PCK2: variants seen among roughly 807,000 people sequenced by gnomAD.
PCK2 encodes phosphoenolpyruvate carboxykinase [GTP], mitochondrial.
A neutral mutation model predicts 65.9 loss-of-function variants in PCK2; 56 were observed. The observed-to-expected ratio is 0.85, with a 90% CI of 0.69 to 1.06. The LOEUF (loss-of-function observed/expected upper bound fraction) is 1.06. PCK2 is among the 50% of genes least tolerant of loss of function. The probability of loss-of-function intolerance (pLI) is 0.00; values close to 1 mark genes in which losing one functional copy is unlikely to be tolerated. For missense variants in PCK2, 843 were observed against 863.1 expected (o/e 0.98, Z 0.29); for synonymous variants, 305 against 319.6 (o/e 0.95, Z 0.49).
At chr14:24,095,701 A>C (rs1001795642) in intron 1 of PCK2, among the ~76,000 whole-genome samples, 1 of 152,112 alleles carries the variant, frequency 6.6e-6, no homozygotes, top group Non-Finnish European at 1.5e-5. Context: ...CATCCCCTTC[A>C]TGGTCTTTGC....
intron 1 of PCK2, chr14:24,095,199 G>A (rs1226066341): frequency 5.3e-5 from 24 of 455,954 alleles, no homozygotes; most frequent in Admixed American, 1.4e-4. Context: ...TTCCACTTGG[G>A]CAGCCCTTGT....
intron 7 of PCK2, among the ~76,000 whole-genome samples, chr14:24,102,190 T>C (rs1293397152): frequency 6.6e-6 from 1 of 152,214 alleles, no homozygotes; most frequent in Admixed American, 6.5e-5. Flanking sequence ...ATTGCACCAC[T>C]GCACTACAGC....
Position 24,102,071 on chromosome 14 carries a change from C to CA in PCK2, c.1235-675dup, listed in dbSNP as rs558567022. 3.8e-3 allele frequency among the ~76,000 whole-genome samples: 569 copies of CA among 149,358 alleles called. 3 individuals carry two copies. The highest frequency in any genetic ancestry group is 0.014 in the African/African-American group (549 of 40,452). On this transcript the variant is annotated intron_variant, in intron 7 of 9. Coordinates refer to ENST00000216780, the MANE Select transcript of PCK2 (RefSeq NM_004563.4). ...TGAAACCCCATCTCTATTAAAAATA[C>CA]AAAAAAATCAGCCAGGCATGGTGGT...
At position 24,094,503 on chromosome 14, in the gene PCK2, G is replaced by T; in HGVS notation, c.29+69G>T. ...GCTCGCCCCCTCGGGGCTGCCAGTG[G>T]CGCTCTCCTGCTCTCAGCCTCCGCC... On this transcript the variant is annotated intron_variant, in intron 1 of 9. Coordinates refer to ENST00000216780, the MANE Select transcript of PCK2 (RefSeq NM_004563.4). The surrounding 1 kb of genome is among the most constrained non-coding windows in gnomAD (Gnocchi z 4.1). 6.8e-7 allele frequency: 1 copy of T among 1,469,176 alleles called. No homozygotes were observed. The highest frequency in any genetic ancestry group is 1.4e-5 in the African/African-American group (1 of 69,584). The allele number at this position is 1,469,176 out of a possible 1,614,324, so 91.0% of individuals were successfully genotyped here.
intron 5 of PCK2, 110 bp from the exon 6 acceptor site, chr14:24,099,448 A>T: frequency 8.9e-7 from 1 of 1,117,704 alleles, no homozygotes; most frequent in Non-Finnish European, 1.3e-6. Context: ...TCACTTATAT[A>T]GTTAATAAAC....
At position 24,103,147 on chromosome 14, in the gene PCK2, AT is replaced by A; in HGVS notation, c.1373-11del. ...AAAAGGGCTGCCTGTGACTCTGTTC[AT>A]TGGTGATCTAGGGGTACCCCTGGTA... On this transcript the variant is annotated splice_polypyrimidine_tract_variant and intron_variant, in intron 8 of 9. Transcript: ENST00000216780. The A allele has an allele frequency of 6.2e-7, 1 of 1,602,910 alleles. No individual in the cohort carries two copies. The highest frequency in any genetic ancestry group is 2.2e-5 in the East Asian group (1 of 44,808).
chr14:24,097,268 C>A, intron 2 of PCK2, 131 bp downstream of exon 2: 1 of 842,752 alleles, frequency 1.2e-6, no homozygotes, highest in Non-Finnish European at 1.8e-6. Context: ...TAAACAGACC[C>A]AGAAACTGGG....
At position 24,094,432 on chromosome 14, in the gene PCK2, G is replaced by T; in HGVS notation, c.27G>T (p.Leu9=). 1 of 1,549,894 alleles carries T rather than the reference G, an allele frequency of 6.5e-7. No individual in the cohort carries two copies. ...TGGCCGCATTGTACCGCCCTGGCCT[G>T]CGGTGAGTGACCCCCGGCCCGGGGC... The part of the protein sequence containing the change: MAALYRPG[L]RLNWHGLSPL... Residue 9 remains leucine, a splice_region_variant and synonymous_variant, in exon 1 of 10, where the codon CTG becomes CTT. Coordinates refer to ENST00000216780, the MANE Select transcript of PCK2 (RefSeq NM_004563.4). The surrounding 1 kb of genome is among the most constrained non-coding windows in gnomAD (Gnocchi z 4.1).
chr14:24,099,371 C>A, intron 5 of PCK2, 135 bp downstream of exon 5: 1 of 1,045,200 alleles, frequency 9.6e-7, no homozygotes, highest in Non-Finnish European at 1.4e-6. Context: ...AGGCCCAAAG[C>A]TTTGGCCTCA....
At chr14:24,095,687 G>C (rs558646568) in intron 1 of PCK2, among the ~76,000 whole-genome samples, 1 of 152,322 alleles carries the variant, frequency 6.6e-6, no homozygotes, top group Admixed American at 6.5e-5. Flanking sequence ...GAGGAGGAGA[G>C]TAACATCCCC....
chr14:24,100,082 C>T lies in PCK2; in HGVS notation c.1103C>T (p.Thr368Ile), dbSNP rs1158893228. The change falls in exon 7 of 10, where the codon ACA becomes ATA. Residue 368 changes from threonine to isoleucine, a missense_variant. Thr to Ile is a moderately conservative substitution (Grantham distance 89). Transcript: ENST00000216780. ...SATTNPNAMATIQSNTIFTNV... is the reference protein window; with the variant it reads ...SATTNPNAMAIIQSNTIFTNV... ...ACCACCAATCCCAACGCCATGGCTA[C>T]AATCCAGAGTAACACTATTTTTACC... is the stretch of plus-strand genomic sequence containing the variant. 6.2e-7 allele frequency: 1 copy of T among 1,612,448 alleles called. No individual in the cohort carries two copies. Among genetic ancestry groups the T allele is most frequent in the East Asian group, 2.2e-5 (1 of 44,902 alleles).
rs2138919138 is a variant in PCK2, at chr14:24,094,398, C to T, written c.-8C>T. 1.3e-6 allele frequency: 2 copies of T among 1,556,238 alleles called. No homozygotes were observed. Among genetic ancestry groups the T allele is most frequent in the Non-Finnish European group, 1.7e-6 (2 of 1,155,276 alleles). Reference sequence around the variant, plus strand: ...TCCTGGCCACCCCGCAGCCCCTGCCCAGGTGCCATGGCCGCATTGTACCGC... The same window carrying T: ...TCCTGGCCACCCCGCAGCCCCTGCCTAGGTGCCATGGCCGCATTGTACCGC... On this transcript the variant is annotated 5_prime_UTR_variant, in exon 1 of 10. Transcript: ENST00000216780. The surrounding 1 kb of genome is among the most constrained non-coding windows in gnomAD (Gnocchi z 4.1).
Position 24,094,341 on chromosome 14 carries a change from C to T in PCK2, c.-65C>T, listed in dbSNP as rs545115566. On this transcript the variant is annotated 5_prime_UTR_variant, in exon 1 of 10. Coordinates refer to ENST00000216780, the MANE Select transcript of PCK2 (RefSeq NM_004563.4). This position sits in a 1 kb window ranked among gnomAD's most constrained non-coding sequence, Gnocchi z 4.1. ...TCGCTTCGCCGCGCTCCCTCCTTCC[C>T]CGCCTTCCATACCTCCCCGGCTCCG... is the stretch of plus-strand genomic sequence containing the variant. 19 of 1,471,608 alleles carry T rather than the reference C, an allele frequency of 1.3e-5. No homozygotes were observed. The highest frequency in any genetic ancestry group is 1.7e-5 in the Non-Finnish European group (19 of 1,089,564). 91.2% of individuals were successfully genotyped at this position (1,471,608 alleles called of 1,614,324 possible). A position where few individuals can be genotyped will look rare whatever the true frequency, so the allele number is the denominator to read the frequency against.
chr14:24,099,909 AG>A, intron 6 of PCK2, 85 bp from the exon 7 acceptor site: 1 of 1,612,268 alleles, frequency 6.2e-7, no homozygotes, highest in Non-Finnish European at 8.5e-7. Context: ...ATCTCAGGAC[AG>A]GGGTGGGTGG....
chr14:24,097,870 A>G (rs2036963047), intron 2 of PCK2, among the ~76,000 whole-genome samples: 1 of 152,182 alleles, frequency 6.6e-6, no homozygotes, highest in Non-Finnish European at 1.5e-5. Context: ...CTGGGATTAC[A>G]GGCATGAGCC....
intron 1 of PCK2, chr14:24,095,115 A>G (rs1056780104): frequency 2.4e-5 from 11 of 455,836 alleles, no homozygotes; most frequent in East Asian, 7.0e-5. Context: ...TTAGTCTCCT[A>G]TTTATTCTCT....
rs1409296715 is a variant in PCK2, at chr14:24,094,590, C to T, written c.29+156C>T. 3 of 1,451,644 alleles carry T rather than the reference C, an allele frequency of 2.1e-6. No individual in the cohort carries two copies. The highest frequency in any genetic ancestry group is 2.9e-5 in the African/African-American group (2 of 70,170). 89.9% of individuals were successfully genotyped at this position (1,451,644 alleles called of 1,614,324 possible). A position where few individuals can be genotyped will look rare whatever the true frequency, so the allele number is the denominator to read the frequency against. ...CTGCTGTGGGTCCAGCCTCCCGCGC[C>T]GCGCGTCTCTTGGGAGGGCAGCCGG... On this transcript the variant is annotated intron_variant, in intron 1 of 9. Transcript: ENST00000216780. The surrounding 1 kb of genome is among the most constrained non-coding windows in gnomAD (Gnocchi z 4.1).
At chr14:24,102,662 AAAG>A in intron 7 of PCK2, 88 bp from the exon 8 acceptor site, 3 of 1,177,404 alleles carry the variant, frequency 2.5e-6, no homozygotes, top group Admixed American at 4.4e-5. Context: ...AAAAAAAAAA[AAAG>A]AACCCTGCAA....
intron 6 of PCK2, 41 bp downstream of exon 6, chr14:24,099,761 T>G (rs143706423): frequency 9.4e-5 from 149 of 1,577,892 alleles, no homozygotes; most frequent in Admixed American, 8.3e-5. Context: ...CTGGCTCTTG[T>G]CAGAGCCTCG....
Sources: gnomAD v4.1 joint callset for allele counts (sites outside exome capture counted in the v4.1 genomes callset) on GRCh38, gnomAD v4.1.1 for gene constraint, Gnocchi (gnomAD v3.1) non-coding constraint, MANE v1.5 for transcripts, NCBI Gene and HGNC (gene_info 2026-07-23, HGNC 2026-07-21) for gene names.